Variants in ATAD1 observed in about 807,000 individuals in gnomAD.
ATAD1 encodes the protein ATPase family AAA domain containing 1.
A neutral mutation model predicts 42.7 loss-of-function variants in ATAD1; 18 were observed. That is an observed-to-expected ratio of 0.42 (90% confidence interval 0.29 to 0.63). ATAD1 has a LOEUF of 0.63. Among genes scored for constraint, ATAD1 ranks in the 20% least tolerant of loss-of-function variants. The pLI, the probability that ATAD1 is intolerant of heterozygous loss-of-function variation, is 0.19. For synonymous variants in ATAD1, 132 were observed against 143.1 expected, an observed-to-expected ratio of 0.92 and a Z score of 0.55; for missense variants, 294 against 440.4, an observed-to-expected ratio of 0.67 and a Z score of 2.98.
chr10:87,799,381 C>T (rs1175352326), intron 2 of ATAD1, among the ~76,000 whole-genome samples: 3 of 152,196 alleles, frequency 2.0e-5, no homozygotes, highest in Non-Finnish European at 4.4e-5. Flanking sequence ...GTAAGATTAT[C>T]ATAACTTCTA....
chr10:87,777,143 C>G (rs188123364), intron 5 of ATAD1, among the ~76,000 whole-genome samples: 2 of 152,198 alleles, frequency 1.3e-5, no homozygotes, highest in Non-Finnish European at 2.9e-5. Flanking sequence ...GGATCTAGTA[C>G]TGAGAGGCTG....
intron 1 of ATAD1, among the ~76,000 whole-genome samples, chr10:87,824,104 C>A (rs569946636): frequency 6.7e-6 from 1 of 148,170 alleles, no homozygotes; most frequent in Non-Finnish European, 1.5e-5. Context: ...AATATATTAT[C>A]ATCTTGAAAA....
At chr10:87,829,802 G>A (rs1174923210) in intron 1 of ATAD1, among the ~76,000 whole-genome samples, 2 of 152,278 alleles carry the variant, frequency 1.3e-5, no homozygotes, top group Non-Finnish European at 2.9e-5. Context: ...TGCTTCTTAT[G>A]AATGAGCAAA....
upstream of ATAD1, among the ~76,000 whole-genome samples, chr10:87,821,393 G>C (rs1857629217): frequency 6.6e-6 from 1 of 152,084 alleles, no homozygotes; most frequent in South Asian, 2.1e-4. Flanking sequence ...TTAGCTGGGT[G>C]TGGTGGCGGG....
chr10:87,804,140 T>A (rs903146900), intron 2 of ATAD1, among the ~76,000 whole-genome samples: 2 of 152,132 alleles, frequency 1.3e-5, no homozygotes, highest in African/African-American at 4.8e-5. Context: ...AGTTCCAAGT[T>A]TTTAAAGTTT....
chr10:87,793,934 A>T (rs902448729), intron 2 of ATAD1, among the ~76,000 whole-genome samples: 3 of 146,602 alleles, frequency 2.0e-5, no homozygotes, highest in Non-Finnish European at 3.0e-5. Context: ...TAATAGCTTT[A>T]AAAAAAAAAA....
upstream of ATAD1, among the ~76,000 whole-genome samples, chr10:87,820,452 G>T (rs1857611517): frequency 2.0e-5 from 3 of 152,142 alleles, no homozygotes; most frequent in Admixed American, 2.0e-4. Context: ...TAAAAGGTTT[G>T]CTGGGATATA....
At chr10:87,817,555 G>A (rs1342369131) in intron 1 of ATAD1, among the ~76,000 whole-genome samples, 1 of 152,210 alleles carries the variant, frequency 6.6e-6, no homozygotes. Context: ...AGCATTCACT[G>A]TAGTATTTCT....
intron 8 of ATAD1, chr10:87,759,730 T>G (rs1854394151): frequency 2.2e-6 from 1 of 455,410 alleles, no homozygotes; most frequent in Non-Finnish European, 4.4e-6. Context: ...CTCCATCACT[T>G]CTTTGTGTAA....
At position 87,792,635 on chromosome 10, in the gene ATAD1, AAATAAG is replaced by A; in HGVS notation, c.261+16_261+21del. 1 of 1,486,244 alleles carries A rather than the reference AAATAAG, an allele frequency of 6.7e-7. No individual in the cohort carries two copies. Among genetic ancestry groups the A allele is most frequent in the Non-Finnish European group, 9.4e-7 (1 of 1,069,086 alleles). The allele number at this position is 1,486,244 out of a possible 1,614,324, so 92.1% of individuals were successfully genotyped here. A position where few individuals can be genotyped will look rare whatever the true frequency, so the allele number is the denominator to read the frequency against. ...CCACCCCCACCTCTAAAAAAATCTTAAATAAGATTAAAGATACATACATGCATATTA... is the reference window on the plus strand; with the variant it reads ...CCACCCCCACCTCTAAAAAAATCTTAATTAAAGATACATACATGCATATTA... On this transcript the variant is annotated intron_variant, in intron 3 of 9. Coordinates refer to ENST00000680024, the MANE Select transcript of ATAD1 (RefSeq NM_001321967.2).
At chr10:87,835,471 A>G (rs1589580006) in intron 1 of ATAD1, among the ~76,000 whole-genome samples, 1 of 152,196 alleles carries the variant, frequency 6.6e-6, no homozygotes, top group East Asian at 1.9e-4. Context: ...TAATATAACT[A>G]TTCTCGCTTC....
At chr10:87,761,434 G>A (rs1384473480) in intron 8 of ATAD1, among the ~76,000 whole-genome samples, 1 of 152,072 alleles carries the variant, frequency 6.6e-6, no homozygotes, top group African/African-American at 2.4e-5. Flanking sequence ...GGCTGAGATG[G>A]GTGGATCTCT....
intron 2 of ATAD1, among the ~76,000 whole-genome samples, chr10:87,793,685 G>C (rs1442539560): frequency 6.6e-6 from 1 of 152,158 alleles, no homozygotes; most frequent in African/African-American, 2.4e-5. Flanking sequence ...TTATAACCAT[G>C]AAAGAGTCTT....
chr10:87,835,955 T>C lies in ATAD1; in HGVS notation c.-14+5232A>G, dbSNP rs75179454. Among the ~76,000 whole-genome samples the C allele has an allele frequency of 5.4e-3, 830 of 152,334 alleles. 4 individuals are homozygous for C. Among genetic ancestry groups the C allele is most frequent in the African/African-American group, 0.019 (781 of 41,572 alleles). ...TAGATCCTATTACCTTCCCTCTTTA[T>C]GTTGCAGTTGTCTTATGTATTGCAT... On this transcript the variant is annotated intron_variant, in intron 1 of 4. Transcript: ENST00000495903.
chr10:87,795,865 G>A (rs12220529), intron 2 of ATAD1, among the ~76,000 whole-genome samples: 2 of 152,216 alleles, frequency 1.3e-5, no homozygotes, highest in East Asian at 3.9e-4. Flanking sequence ...TAGAAAGTTG[G>A]ACATGTCATT....
chr10:87,800,878 G>T (rs180959490), intron 2 of ATAD1, among the ~76,000 whole-genome samples: 2 of 152,114 alleles, frequency 1.3e-5, no homozygotes, highest in Non-Finnish European at 2.9e-5. Context: ...TAGAAGAGGC[G>T]GGCATGTGAA....
At chr10:87,794,022 C>T (rs1407238096) in intron 2 of ATAD1, among the ~76,000 whole-genome samples, 1 of 151,920 alleles carries the variant, frequency 6.6e-6, no homozygotes, top group Non-Finnish European at 1.5e-5. Flanking sequence ...CCCAGGAGTT[C>T]GAGACCAGCC....
At chr10:87,760,484 G>A (rs11592130) in intron 8 of ATAD1, among the ~76,000 whole-genome samples, 6,028 of 152,208 alleles carry the variant, frequency 0.04, 176 homozygotes, top group Non-Finnish European at 0.06. Flanking sequence ...CTTGTGGAAC[G>A]GTGAGTCAAT....
chr10:87,782,940 G>A (rs1253540235), intron 5 of ATAD1, among the ~76,000 whole-genome samples: 2 of 151,796 alleles, frequency 1.3e-5, no homozygotes, highest in African/African-American at 4.8e-5. Flanking sequence ...CAAGGTTGCA[G>A]TGAGTCATGG....
Sources: gnomAD v4.1 joint callset for allele counts (sites outside exome capture counted in the v4.1 genomes callset) on GRCh38, gnomAD v4.1.1 for gene constraint, MANE v1.5 for transcripts, NCBI Gene and HGNC (gene_info 2026-07-23, HGNC 2026-07-21) for gene names.